BCAS3: variants seen among roughly 807,000 people sequenced by gnomAD.
BCAS3 encodes BCAS4/BCAS3 fusion.
In BCAS3, 53 loss-of-function variants were observed where a neutral mutation model predicts 116.1. The ratio of observed to expected loss-of-function variants is 0.46; its 90% CI spans 0.37 to 0.57. The LOEUF is 0.57. Among genes scored for constraint, BCAS3 ranks in the 20% least tolerant of loss-of-function variants. BCAS3 has a pLI of 0.00. For synonymous variants in BCAS3, 391 were observed against 408.2 expected (o/e 0.96, Z 0.51); for missense variants, 917 against 1,165.4 (o/e 0.79, Z 3.10).
At chr17:60,811,243 C>T in intron 7 of BCAS3, 2 of 895,554 alleles carry the variant, frequency 2.2e-6, no homozygotes, top group Admixed American at 2.0e-5. Context: ...AGGGACAGCG[C>T]CAGGCCCAGG....
chr17:60,759,576 A>G (rs545862792), intron 6 of BCAS3, among the ~76,000 whole-genome samples: 114 of 149,944 alleles, frequency 7.6e-4, no homozygotes, highest in South Asian at 1.0e-3. Flanking sequence ...ATATGTATTT[A>G]GAATTGTTAC....
At position 60,993,892 on chromosome 17, in the gene BCAS3, CT is replaced by C. The variant is rs1347435890; in HGVS notation, c.1486+3660del. 6.6e-6 allele frequency among the ~76,000 whole-genome samples: 1 copy of C among 152,090 alleles called. No homozygotes were observed. Among genetic ancestry groups the C allele is most frequent in the African/African-American group, 2.4e-5 (1 of 41,432 alleles). On this transcript the variant is annotated intron_variant, in intron 15 of 23. Coordinates refer to ENST00000407086, the MANE Select transcript of BCAS3 (RefSeq NM_017679.5). The surrounding 1 kb of genome is among the most constrained non-coding windows in gnomAD (Gnocchi z 4.2). ...TTTATCTATTTGCCAATTTTTTTAA[CT>C]TTCCAGAGGATGTTTATTTATTTGA...
At chr17:60,932,115 C>T (rs1487991850) in intron 13 of BCAS3, among the ~76,000 whole-genome samples, 2 of 151,918 alleles carry the variant, frequency 1.3e-5, no homozygotes, top group Admixed American at 1.3e-4. Context: ...AATAGAGTAA[C>T]CTCAATAGAT....
rs546381529 is a variant in BCAS3, at chr17:61,349,191, C to G, written c.2426-19136C>G. Among the ~76,000 whole-genome samples the G allele has an allele frequency of 6.6e-6, 1 of 152,220 alleles. No individual in the cohort carries two copies. The highest frequency in any genetic ancestry group is 2.1e-4 in the South Asian group (1 of 4,836). On this transcript the variant is annotated intron_variant, in intron 22 of 23. Transcript: ENST00000407086. The surrounding 1 kb of genome is among the most constrained non-coding windows in gnomAD (Gnocchi z 4.7). ...CCAGAAGGGCCTGAGAATTCATTTG[C>G]TCAGTAAGCATTCCAAGTGCTTCTT... is the stretch of plus-strand genomic sequence containing the variant.
At chr17:61,050,077 G>T (rs1448481665) in intron 19 of BCAS3, among the ~76,000 whole-genome samples, 1 of 151,962 alleles carries the variant, frequency 6.6e-6, no homozygotes, top group African/African-American at 2.4e-5. Context: ...CATCAACCCA[G>T]AATTATATTC....
At chr17:60,772,038 C>T (rs1275907040) in intron 6 of BCAS3, among the ~76,000 whole-genome samples, 18 of 152,118 alleles carry the variant, frequency 1.2e-4, no homozygotes, top group Non-Finnish European at 2.5e-4. Context: ...GTCTTTATAG[C>T]AGCATGATTT....
chr17:61,074,898 A>G, intron 19 of BCAS3, 22 bp from the exon 20 acceptor site: 1 of 1,554,304 alleles, frequency 6.4e-7, no homozygotes, highest in Non-Finnish European at 8.8e-7. Context: ...AGTGGTTTAA[A>G]TCTATTTTCT....
intron 10 of BCAS3, among the ~76,000 whole-genome samples, chr17:60,898,099 A>T (rs1028548913): frequency 2.6e-5 from 4 of 152,006 alleles, no homozygotes; most frequent in African/African-American, 9.7e-5. Context: ...TCTCATTTAT[A>T]TTCTGAATTG....
intron 14 of BCAS3, among the ~76,000 whole-genome samples, chr17:60,987,922 TTC>T (rs1440148157): frequency 3.9e-5 from 6 of 152,148 alleles, no homozygotes; most frequent in Non-Finnish European, 8.8e-5. Context: ...CAGAAAGGCT[TTC>T]TGTTTTTCCC....
At position 60,808,032 on chromosome 17, in the gene BCAS3, A is replaced by G; in HGVS notation, c.432A>G (p.Glu144=). 6.2e-7 allele frequency: 1 copy of G among 1,610,208 alleles called. No individual in the cohort carries two copies. Among genetic ancestry groups the G allele is most frequent in the Non-Finnish European group, 8.5e-7 (1 of 1,177,998 alleles). Residue 144 remains glutamate, a synonymous_variant, in exon 7 of 24, where the codon GAA becomes GAG. Transcript: ENST00000407086. ...CTCAAAAATGTGATAACTTTGCTGAAAAAAGACCCCTCCTTGGTGTTTGTA... is the reference window on the plus strand; with the variant it reads ...CTCAAAAATGTGATAACTTTGCTGAGAAAAGACCCCTCCTTGGTGTTTGTA... ...FGAQKCDNFA[E]KRPLLGVCKS... is the part of the protein sequence containing the mutation.
Position 61,367,091 on chromosome 17 carries a change from C to T in BCAS3, c.2426-1236C>T, listed in dbSNP as rs2058782190. 6.6e-6 allele frequency among the ~76,000 whole-genome samples: 1 copy of T among 152,218 alleles called. No homozygotes were observed. Among genetic ancestry groups the T allele is most frequent in the Non-Finnish European group, 1.5e-5 (1 of 68,036 alleles). The stretch of plus-strand genomic sequence containing the variant: ...GCAGGGAGTGTGTGCTGACACTGCC[C>T]AGCCCTCACTGCCTGGCGAAGATAG... On this transcript the variant is annotated intron_variant, in intron 22 of 23. Coordinates refer to ENST00000407086, the MANE Select transcript of BCAS3 (RefSeq NM_017679.5). This position sits in a 1 kb window ranked among gnomAD's most constrained non-coding sequence, Gnocchi z 6.2.
At chr17:60,976,020 C>CTTTTTTTGTTTTTTTTTTTTTT (rs2062327433) in intron 14 of BCAS3, among the ~76,000 whole-genome samples, 1 of 98,286 alleles carries the variant, frequency 1.0e-5, no homozygotes, top group Non-Finnish European at 1.8e-5. Flanking sequence ...TAGATTTTTG[C>CTTTTTTTGTTTTTTTTTTTTTT]TTTTTTTTTT....
chr17:61,216,452 T>G (rs928289617), intron 22 of BCAS3, among the ~76,000 whole-genome samples: 2 of 152,212 alleles, frequency 1.3e-5, no homozygotes, highest in African/African-American at 4.8e-5. Flanking sequence ...CATATCAAAT[T>G]GAAACGTGTA....
In BCAS3 at chr17:61,355,025, T is replaced by G. The variant is rs931364039; in HGVS notation, c.2426-13302T>G. The G allele has an allele frequency of 7.5e-6, 1 of 134,112 alleles. No individual in the cohort carries two copies. The highest frequency in any genetic ancestry group is 2.7e-5 in the African/African-American group (1 of 36,406). 8.3% of individuals were successfully genotyped at this position (134,112 alleles called of 1,614,324 possible). On this transcript the variant is annotated intron_variant, in intron 22 of 23. Coordinates refer to ENST00000407086, the MANE Select transcript of BCAS3 (RefSeq NM_017679.5). This position sits in a 1 kb window ranked among gnomAD's most constrained non-coding sequence, Gnocchi z 4.2. ...GCCAGTGTGCCCACCCATCCCTCCC[T>G]GCTCTTTGAAATTCCCAAGGCCAGC...
Position 61,324,208 on chromosome 17 carries a change from A to G in BCAS3, c.2426-44119A>G, listed in dbSNP as rs1233230870. On this transcript the variant is annotated intron_variant, in intron 22 of 23. Transcript: ENST00000407086. The surrounding 1 kb of genome is among the most constrained non-coding windows in gnomAD (Gnocchi z 4.6). Reference sequence around the variant, plus strand: ...CCCCAGTGCCAGACATATGCTAAGCACTCGAGAAATGTTTCAATCAGTGAG... The same window carrying G: ...CCCCAGTGCCAGACATATGCTAAGCGCTCGAGAAATGTTTCAATCAGTGAG... Among the ~76,000 whole-genome samples, 1 of 152,084 alleles carries G rather than the reference A, an allele frequency of 6.6e-6. No individual in the cohort carries two copies. The highest frequency in any genetic ancestry group is 2.4e-5 in the African/African-American group (1 of 41,396).
At position 61,017,370 on chromosome 17, in the gene BCAS3, C is replaced by T. The variant is rs1444519664; in HGVS notation, c.1637+1469C>T. 6.6e-6 allele frequency among the ~76,000 whole-genome samples: 1 copy of T among 152,078 alleles called. No individual in the cohort carries two copies. The highest frequency in any genetic ancestry group is 1.5e-5 in the Non-Finnish European group (1 of 67,994). ...GTTAGTCAGTACATAATTGTATCAT[C>T]TTGATTCACTCCAGCATTGTACAAT... On this transcript the variant is annotated intron_variant, in intron 16 of 23. Transcript: ENST00000407086. This position sits in a 1 kb window ranked among gnomAD's most constrained non-coding sequence, Gnocchi z 4.7.
intron 5 of BCAS3, among the ~76,000 whole-genome samples, chr17:60,714,417 C>A (rs1230566355): frequency 6.6e-6 from 1 of 152,118 alleles, no homozygotes. Context: ...GTAATCCCAG[C>A]ACTTTGGAGG....
At chr17:60,973,072 A>G (rs1400189029) in intron 14 of BCAS3, among the ~76,000 whole-genome samples, 1 of 152,138 alleles carries the variant, frequency 6.6e-6, no homozygotes, top group Non-Finnish European at 1.5e-5. Context: ...AACCACATTT[A>G]ACAATGGTTT....
At chr17:61,336,265 C>T (rs562592086) in intron 22 of BCAS3, among the ~76,000 whole-genome samples, 12 of 152,384 alleles carry the variant, frequency 7.9e-5, no homozygotes, top group Admixed American at 2.6e-4. Flanking sequence ...ATTACAGTCC[C>T]AGATGTCATT....
Sources: allele counts gnomAD v4.1 joint callset (sites outside exome capture counted in the v4.1 genomes callset), GRCh38; gene constraint gnomAD v4.1.1; non-coding constraint Gnocchi (gnomAD v3.1); transcripts MANE v1.5; gene names NCBI Gene and HGNC (gene_info 2026-07-23, HGNC 2026-07-21).